CXADR: variants seen among roughly 807,000 people sequenced by gnomAD.
CXADR encodes coxsackievirus and adenovirus receptor.
In CXADR, 20 loss-of-function variants were observed where a neutral mutation model predicts 40.3. The observed-to-expected ratio is 0.50, with a 90% CI of 0.35 to 0.72. The LOEUF (loss-of-function observed/expected upper bound fraction) is 0.72, where lower values mean the gene tolerates loss of function less well. Among genes scored for constraint, CXADR ranks in the 30% least tolerant of loss-of-function variants. The probability of loss-of-function intolerance (pLI) is 0.01; values close to 1 mark genes in which losing one functional copy is unlikely to be tolerated. For missense variants in CXADR, 332 were observed against 449.1 expected, an observed-to-expected ratio of 0.74 and a Z score of 2.36; for synonymous variants, 150 against 161.3, an observed-to-expected ratio of 0.93 and a Z score of 0.53.
chr21:17,565,126 G>A (rs190443998), intron 6 of CXADR, among the ~76,000 whole-genome samples: 2 of 152,262 alleles, frequency 1.3e-5, no homozygotes, highest in East Asian at 3.9e-4. Context: ...GAAACTATTT[G>A]AGATTTGTGT....
chr21:17,519,825 G>A (rs1380270476), intron 1 of CXADR, among the ~76,000 whole-genome samples: 1 of 152,014 alleles, frequency 6.6e-6, no homozygotes, highest in Admixed American at 6.6e-5. Flanking sequence ...CAGGTGTGGT[G>A]ATGTGCGTCT....
chr21:17,541,913 C>T, intron 1 of CXADR: 1 of 237,048 alleles, frequency 4.2e-6, no homozygotes, highest in Non-Finnish European at 8.4e-6. Flanking sequence ...CTACTTTTTC[C>T]TCTGTAATGA....
At chr21:17,559,661 T>A (rs2061083408) in intron 4 of CXADR, among the ~76,000 whole-genome samples, 1 of 30,550 alleles carries the variant, frequency 3.3e-5, no homozygotes, top group African/African-American at 1.0e-4. Flanking sequence ...TTTGGTACTT[T>A]TTTTTGGGTT....
intron 1 of CXADR, among the ~76,000 whole-genome samples, chr21:17,524,890 C>T (rs2060579826): frequency 6.6e-6 from 1 of 152,132 alleles, no homozygotes; most frequent in Non-Finnish European, 1.5e-5. Context: ...GCCTGGGCGA[C>T]AGAGTGAAAC....
At chr21:17,572,074 A>T (rs1465047814), downstream of CXADR, among the ~76,000 whole-genome samples, 1 of 152,142 alleles carries the variant, frequency 6.6e-6, no homozygotes, top group Non-Finnish European at 1.5e-5. Flanking sequence ...TCAAAAAGGC[A>T]GTATTGGCCA....
chr21:17,590,063 A>G lies in CXADR; in HGVS notation c.1018-3089A>G, dbSNP rs191701506. Among the ~76,000 whole-genome samples, 6 of 152,190 alleles carry G rather than the reference A, an allele frequency of 3.9e-5. No homozygotes were observed. In the East Asian group the frequency reaches 9.6e-4, roughly 24 times the overall value. Reference sequence around the variant, plus strand: ...TTTCACCCATATTCCCTATGGATTTATATTTTATAAATTTTATATATGTAT... The same window carrying G: ...TTTCACCCATATTCCCTATGGATTTGTATTTTATAAATTTTATATATGTAT... On this transcript the variant is annotated intron_variant, in intron 7 of 7. Coordinates refer to the CXADR transcript ENST00000400169.
chr21:17,548,384 A>C (rs1040115020), intron 2 of CXADR, among the ~76,000 whole-genome samples: 2 of 152,124 alleles, frequency 1.3e-5, no homozygotes, highest in African/African-American at 4.8e-5. Context: ...TGATTCTGTT[A>C]CCAGAACTTC....
rs183084602 is a variant in CXADR, at chr21:17,589,755, G to T, written c.1018-3397G>T. ...GTGAACACTTATTACGTAGGTAATG[G>T]TCCTCGTTTGAGTACTTCTGTAGAT... On this transcript the variant is annotated intron_variant, in intron 7 of 7. Coordinates refer to the CXADR transcript ENST00000400169. 8.5e-5 allele frequency among the ~76,000 whole-genome samples: 13 copies of T among 152,098 alleles called. No homozygotes were observed. In the East Asian group the frequency reaches 2.5e-3, roughly 29 times the overall value.
chr21:17,523,767 C>A (rs2123128978), intron 1 of CXADR, among the ~76,000 whole-genome samples: 1 of 152,236 alleles, frequency 6.6e-6, no homozygotes, highest in East Asian at 1.9e-4. Flanking sequence ...ATCTTACTGT[C>A]TTTCATCTAA....
the CXADR span, among the ~76,000 whole-genome samples, chr21:17,628,485 A>G: frequency 6.6e-6 from 1 of 152,092 alleles, no homozygotes; most frequent in African/African-American, 2.4e-5. Context: ...CTGAAGGCAG[A>G]AAAACGTCAA....
At chr21:17,530,132 T>TTTTTTTC (rs1555863321) in intron 1 of CXADR, among the ~76,000 whole-genome samples, 12 of 143,504 alleles carry the variant, frequency 8.4e-5, no homozygotes, top group Non-Finnish European at 1.2e-4. Flanking sequence ...TTTTTTTTTT[T>TTTTTTTC]GTATTTTTTA....
Position 17,566,616 on chromosome 21 carries a change from C to A in CXADR, c.*924C>A. 2 of 983,772 alleles carry A rather than the reference C, an allele frequency of 2.0e-6. No individual in the cohort carries two copies. Among genetic ancestry groups the A allele is most frequent in the Non-Finnish European group, 2.4e-6 (2 of 828,500 alleles). The allele number at this position is 983,772 out of a possible 1,614,324, so 60.9% of individuals were successfully genotyped here. On this transcript the variant is annotated 3_prime_UTR_variant, in exon 7 of 7. Transcript: ENST00000284878. ...GTTTGACACTTATAGATTGAAATTT[C>A]CTAATTTATTCTAAATTTTAAGTGG...
Position 17,558,892 on chromosome 21 carries a change from G to A in CXADR, c.416-84G>A, listed in dbSNP as rs1243862199. ...TCTGAACCCAGAACCAACTGATAATGAGTCAGTGGTTGTGTACAATGCTGT... is the reference window on the plus strand; with the variant it reads ...TCTGAACCCAGAACCAACTGATAATAAGTCAGTGGTTGTGTACAATGCTGT... On this transcript the variant is annotated intron_variant, in intron 3 of 6. Coordinates refer to ENST00000284878, the MANE Select transcript of CXADR (RefSeq NM_001338.5). The A allele has an allele frequency of 6.7e-6, 9 of 1,348,000 alleles. No homozygotes were observed. The African/African-American group carries it at 1.2e-4, about 18-fold the overall frequency. 83.5% of individuals were successfully genotyped at this position (1,348,000 alleles called of 1,614,324 possible).
At chr21:17,564,797 C>T (rs1162952081) in intron 6 of CXADR, among the ~76,000 whole-genome samples, 4 of 152,126 alleles carry the variant, frequency 2.6e-5, no homozygotes, top group Non-Finnish European at 5.9e-5. Context: ...TGCTGTGGCG[C>T]AATCTTGGCT....
intron 1 of CXADR, among the ~76,000 whole-genome samples, chr21:17,533,293 T>C (rs868808484): frequency 2.6e-5 from 4 of 152,194 alleles, no homozygotes; most frequent in African/African-American, 9.7e-5. Context: ...CCCAAACCCC[T>C]GAACCATGTG....
chr21:17,540,743 T>C (rs781705342), intron 1 of CXADR, among the ~76,000 whole-genome samples: 53 of 152,272 alleles, frequency 3.5e-4, no homozygotes, highest in Non-Finnish European at 7.1e-4. Flanking sequence ...AAAAGTGGAT[T>C]AGCACACTGA....
chr21:17,560,909 G>T, intron 5 of CXADR, 85 bp downstream of exon 5: 1 of 1,535,944 alleles, frequency 6.5e-7, no homozygotes, highest in South Asian at 1.3e-5. Flanking sequence ...TGTGTATTAA[G>T]GACAAAGGGA....
the CXADR span, among the ~76,000 whole-genome samples, chr21:17,615,837 G>A: frequency 6.6e-6 from 1 of 152,214 alleles, no homozygotes; most frequent in African/African-American, 2.4e-5. Context: ...GTGTCTCAGA[G>A]TTGCAGAGAA....
chr21:17,616,081 T>C, the CXADR span, among the ~76,000 whole-genome samples: 1 of 151,900 alleles, frequency 6.6e-6, no homozygotes, highest in Non-Finnish European at 1.5e-5. Flanking sequence ...TGAAACCCCA[T>C]CTCTACTAAA....
Sources: allele counts gnomAD v4.1 joint callset (sites outside exome capture counted in the v4.1 genomes callset), GRCh38; gene constraint gnomAD v4.1.1; transcripts MANE v1.5; gene names NCBI Gene and HGNC (gene_info 2026-07-23, HGNC 2026-07-21).